The following OVOL2 variants were observed in gnomAD, a reference collection of about 807,000 sequenced individuals.
The protein encoded by OVOL2 is transcription factor Ovo-like 2.
A neutral mutation model predicts 18.1 loss-of-function variants in OVOL2; 13 were observed. The ratio of observed to expected loss-of-function variants is 0.72; its 90% CI spans 0.47 to 1.14. The LOEUF is 1.14. OVOL2 is among the 50% of genes most tolerant of loss of function. The pLI is 0.00. For synonymous variants in OVOL2, 166 were observed against 162.7 expected, an observed-to-expected ratio of 1.02 and a Z score of -0.16; for missense variants, 335 against 383.0, an observed-to-expected ratio of 0.87 and a Z score of 1.05.
chr20:18,026,583 A>C (rs559962731), intron 3 of OVOL2, among the ~76,000 whole-genome samples: 3 of 152,000 alleles, frequency 2.0e-5, no homozygotes, highest in Admixed American at 6.6e-5. Context: ...GGGTTTCACC[A>C]TGTTAGCCAG....
chr20:18,032,338 A>AT (rs1441968345), intron 3 of OVOL2, among the ~76,000 whole-genome samples: 2 of 148,264 alleles, frequency 1.3e-5, no homozygotes, highest in Admixed American at 1.4e-4. Context: ...AGAGAAAGAA[A>AT]GAAAGGAAAG....
At position 18,041,903 on chromosome 20, in the gene OVOL2, CTTTT is replaced by C. The variant is rs555102720; in HGVS notation, c.322-184_322-181del. Among the ~76,000 whole-genome samples the C allele has an allele frequency of 2.7e-4, 35 of 128,084 alleles. 1 individual carries two copies. The highest frequency in any genetic ancestry group is 6.4e-4 in the African/African-American group (22 of 34,562). The allele number at this position is 128,084 out of a possible 152,430, so 84.0% of individuals were successfully genotyped here. A position where few individuals can be genotyped will look rare whatever the true frequency, so the allele number is the denominator to read the frequency against. On this transcript the variant is annotated intron_variant, in intron 2 of 3. Transcript: ENST00000278780. ...GTAACAACTGGCAGTTCCTCCCACC[CTTTT>C]TTTTTTTTTTTTTTCTTTTTGAGAT...
At chr20:18,027,300 G>A (rs1568630730) in intron 3 of OVOL2, among the ~76,000 whole-genome samples, 1 of 152,006 alleles carries the variant, frequency 6.6e-6, no homozygotes, top group Non-Finnish European at 1.5e-5. Flanking sequence ...GGCTGACGTG[G>A]GCGGATCACC....
intron 3 of OVOL2, among the ~76,000 whole-genome samples, chr20:18,027,019 G>A (rs924412758): frequency 2.0e-5 from 3 of 152,100 alleles, no homozygotes; most frequent in Non-Finnish European, 4.4e-5. Flanking sequence ...CCTGGGTGAC[G>A]GGATCATCTG....
intron 2 of OVOL2, among the ~76,000 whole-genome samples, chr20:18,051,831 C>T (rs752307859): frequency 9.2e-5 from 14 of 152,198 alleles, no homozygotes; most frequent in Non-Finnish European, 1.3e-4. Flanking sequence ...CTCCTGGGTT[C>T]AAGCGATTCT....
chr20:18,040,245 G>A (rs1056133409), intron 3 of OVOL2, among the ~76,000 whole-genome samples: 13 of 152,244 alleles, frequency 8.5e-5, no homozygotes, highest in Non-Finnish European at 1.8e-4. Flanking sequence ...AATTCTATAA[G>A]TCTGTTGGGA....
chr20:18,031,230 C>A (rs2036567668), intron 3 of OVOL2, among the ~76,000 whole-genome samples: 1 of 152,154 alleles, frequency 6.6e-6, no homozygotes, highest in African/African-American at 2.4e-5. Flanking sequence ...GCTGCTCCAG[C>A]CCGAAAGGCC....
At position 18,049,278 on chromosome 20, in the gene OVOL2, C is replaced by T. The variant is rs750619734; in HGVS notation, c.321+7379G>A. Among the ~76,000 whole-genome samples the T allele has an allele frequency of 3.3e-5, 5 of 152,318 alleles. No individual in the cohort carries two copies. In the South Asian group the frequency reaches 8.3e-4, roughly 25 times the overall value. On this transcript the variant is annotated intron_variant, in intron 2 of 3. Coordinates refer to ENST00000278780, the MANE Select transcript of OVOL2 (RefSeq NM_021220.4). ...GGAACATCCAGGGAGTCAGGGCCTT[C>T]GGCTGGCCCTCTGACCAGCTTCAAA...
intron 2 of OVOL2, among the ~76,000 whole-genome samples, chr20:18,050,165 C>T (rs528618558): frequency 3.3e-5 from 5 of 152,274 alleles, no homozygotes; most frequent in Middle Eastern, 3.4e-3. Context: ...CTTCCTGCAC[C>T]GCCGAAGCTA....
At chr20:18,052,489 G>C (rs1229403956) in intron 2 of OVOL2, among the ~76,000 whole-genome samples, 1 of 152,190 alleles carries the variant, frequency 6.6e-6, no homozygotes. Flanking sequence ...AATCATGCAT[G>C]GGGCAAGGGG....
chr20:18,041,593 A>G lies in OVOL2; in HGVS notation c.452T>C (p.Phe151Ser). 1 of 1,614,144 alleles carries G rather than the reference A, an allele frequency of 6.2e-7. No homozygotes were observed. Among genetic ancestry groups the G allele is most frequent in the Non-Finnish European group, 8.5e-7 (1 of 1,180,024 alleles). Reference protein sequence around the residue: ...HNQVKRHLCTFCGKGFNDTFD... With the variant: ...HNQVKRHLCTSCGKGFNDTFD... The stretch of plus-strand genomic sequence containing the variant: ...GGTGTCGTTGAAGCCCTTGCCGCAG[A>G]AGGTGCACAGGTGTCTTTTCACCTG... Residue 151 changes from phenylalanine (F) to serine (S), a missense_variant, in exon 3 of 4, where the codon TTC becomes TCC. Transcript: ENST00000278780.
chr20:18,049,963 C>A (rs1020761544), intron 2 of OVOL2, among the ~76,000 whole-genome samples: 2 of 152,194 alleles, frequency 1.3e-5, no homozygotes, highest in Non-Finnish European at 2.9e-5. Flanking sequence ...TGCAATGGAA[C>A]AATGCTGAAA....
At chr20:18,035,439 C>G (rs997090454) in intron 3 of OVOL2, among the ~76,000 whole-genome samples, 1 of 152,218 alleles carries the variant, frequency 6.6e-6, no homozygotes, top group Non-Finnish European at 1.5e-5. Flanking sequence ...GCCTGGGCAA[C>G]AGAGCAAGAC....
intron 3 of OVOL2, among the ~76,000 whole-genome samples, chr20:18,037,135 CAA>C (rs762848266): frequency 1.4e-4 from 10 of 73,418 alleles, no homozygotes; most frequent in Admixed American, 1.4e-4. Context: ...GACTCCGTCT[CAA>C]AAAAAAAAAA....
At chr20:18,053,847 T>C (rs2036792854) in intron 2 of OVOL2, among the ~76,000 whole-genome samples, 1 of 152,134 alleles carries the variant, frequency 6.6e-6, no homozygotes, top group Non-Finnish European at 1.5e-5. Flanking sequence ...TTCCAGCTCT[T>C]TACCGCCAAC....
intron 2 of OVOL2, among the ~76,000 whole-genome samples, chr20:18,055,486 G>T (rs924071753): frequency 2.6e-5 from 4 of 152,156 alleles, no homozygotes; most frequent in Admixed American, 2.6e-4. Flanking sequence ...CCGCTAAGCT[G>T]CCGGCCCGCA....
At position 18,036,328 on chromosome 20, in the gene OVOL2, C is replaced by T. The variant is rs140129608; in HGVS notation, c.511+5206G>A. ...AAAAACAAAAAAATTGAGATTTTTACACCTTCTTTTTTTGCATTACAACTT... is the reference window on the plus strand; with the variant it reads ...AAAAACAAAAAAATTGAGATTTTTATACCTTCTTTTTTTGCATTACAACTT... On this transcript the variant is annotated intron_variant, in intron 3 of 3. Transcript: ENST00000278780. 3.6e-3 allele frequency among the ~76,000 whole-genome samples: 552 copies of T among 152,128 alleles called. 3 individuals are homozygous for T. Among genetic ancestry groups the T allele is most frequent in the African/African-American group, 0.012 (511 of 41,506 alleles).
chr20:18,056,850 G>A lies in OVOL2; in HGVS notation c.128C>T (p.Pro43Leu), dbSNP rs1235626427. Residue 43 changes from proline to leucine, a missense_variant, in exon 2 of 4, where the codon CCC becomes CTC. Pro to Leu is a moderately conservative substitution (Grantham distance 98). Transcript: ENST00000278780. This position sits in a 1 kb window ranked among gnomAD's most constrained non-coding sequence, Gnocchi z 4.2. The part of the protein sequence containing the change: ...PVGLGRLLHD[P>L]PEDCRSDGGS... ...GCCGTCGCTGCGGCAGTCCTCGGGG[G>A]GGTCGTGGAGCAGGCGGCCTAGGCC... is the stretch of plus-strand genomic sequence containing the variant. 7 of 1,487,842 alleles carry A rather than the reference G, an allele frequency of 4.7e-6. No individual in the cohort carries two copies. The African/African-American group carries it at 5.8e-5, about 12-fold the overall frequency. 92.2% of individuals were successfully genotyped at this position (1,487,842 alleles called of 1,614,324 possible).
chr20:18,027,593 G>GT (rs1160273852), intron 3 of OVOL2, among the ~76,000 whole-genome samples: 2 of 151,686 alleles, frequency 1.3e-5, no homozygotes, highest in Non-Finnish European at 2.9e-5. Flanking sequence ...CCATAGTAAG[G>GT]TTTTTTTGTT....
Sources: allele counts gnomAD v4.1 joint callset (sites outside exome capture counted in the v4.1 genomes callset), GRCh38; gene constraint gnomAD v4.1.1; non-coding constraint Gnocchi (gnomAD v3.1); transcripts MANE v1.5; gene names NCBI Gene and HGNC (gene_info 2026-07-23, HGNC 2026-07-21).